TMEM108: variants seen among roughly 807,000 people sequenced by gnomAD.
The protein encoded by TMEM108 is cancer/testis antigen 124.
A neutral mutation model predicts 35.1 loss-of-function variants in TMEM108; 12 were observed. The observed-to-expected ratio is 0.34, with a 90% CI of 0.22 to 0.55. The LOEUF (loss-of-function observed/expected upper bound fraction) is 0.55, where lower values mean the gene tolerates loss of function less well. Among genes scored for constraint, TMEM108 ranks in the 20% least tolerant of loss-of-function variants. The probability of loss-of-function intolerance (pLI) is 0.89; values close to 1 mark genes in which losing one functional copy is unlikely to be tolerated. For synonymous variants in TMEM108, 287 were observed against 308.6 expected, an observed-to-expected ratio of 0.93 and a Z score of 0.73; for missense variants, 680 against 753.3, an observed-to-expected ratio of 0.90 and a Z score of 1.14.
intron 2 of TMEM108, among the ~76,000 whole-genome samples, chr3:133,153,274 A>G (rs1016829986): frequency 1.3e-5 from 2 of 152,120 alleles, no homozygotes; most frequent in Non-Finnish European, 2.9e-5. Flanking sequence ...AGTCCCTTCC[A>G]GCCCTAAAAT....
At chr3:133,332,995 G>A (rs1162037942) in intron 3 of TMEM108, among the ~76,000 whole-genome samples, 3 of 152,170 alleles carry the variant, frequency 2.0e-5, no homozygotes, top group Non-Finnish European at 4.4e-5. Flanking sequence ...AGAGTGGAAT[G>A]GCTGCATATG....
rs374162467 is a variant in TMEM108 at position 133,185,498 on chromosome 3, A to G, written c.-46-43768A>G. Among the ~76,000 whole-genome samples, 7 of 146,450 alleles carry G rather than the reference A, an allele frequency of 4.8e-5. No individual in the cohort carries two copies. In the South Asian group the frequency reaches 1.4e-3, roughly 29 times the overall value. On this transcript the variant is annotated intron_variant, in intron 2 of 5. Coordinates refer to ENST00000321871, the MANE Select transcript of TMEM108 (RefSeq NM_023943.4). ...TTCTATGCTCAGACATCATTTACCC[A>G]TCTAGTAGCCTAATCTCAACTCTCT...
intron 2 of TMEM108, among the ~76,000 whole-genome samples, chr3:133,140,362 T>C (rs367623411): frequency 6.6e-6 from 1 of 152,234 alleles, no homozygotes; most frequent in Non-Finnish European, 1.5e-5. Context: ...CTAAACCATA[T>C]TGATTTAATG....
chr3:133,161,461 A>G (rs887322527), intron 2 of TMEM108, among the ~76,000 whole-genome samples: 7 of 152,154 alleles, frequency 4.6e-5, no homozygotes, highest in South Asian at 2.1e-4. Context: ...TGTATCTCCA[A>G]TGCCTAGAAT....
chr3:133,308,260 G>A (rs1476717997), intron 3 of TMEM108, among the ~76,000 whole-genome samples: 2 of 152,122 alleles, frequency 1.3e-5, no homozygotes, highest in African/African-American at 4.8e-5. Flanking sequence ...GAGATTTTGG[G>A]CTAAGACGAT....
chr3:133,214,559 A>T (rs1266144059), intron 2 of TMEM108, among the ~76,000 whole-genome samples: 1 of 152,134 alleles, frequency 6.6e-6, no homozygotes, highest in African/African-American at 2.4e-5. Flanking sequence ...TCTAAGCTCT[A>T]CTATTGGCCT....
intron 3 of TMEM108, among the ~76,000 whole-genome samples, chr3:133,343,709 G>T (rs904217382): frequency 2.6e-5 from 4 of 151,800 alleles, no homozygotes; most frequent in Non-Finnish European, 5.9e-5. Flanking sequence ...CTAAAAATGG[G>T]CTGTACAGTG....
intron 2 of TMEM108, among the ~76,000 whole-genome samples, chr3:133,085,695 A>G (rs1943872809): frequency 6.6e-6 from 1 of 152,162 alleles, no homozygotes; most frequent in African/African-American, 2.4e-5. Flanking sequence ...AGTGATAATA[A>G]GATGTCCCAT....
chr3:133,095,483 T>A (rs1944001211), intron 2 of TMEM108, among the ~76,000 whole-genome samples: 1 of 152,160 alleles, frequency 6.6e-6, no homozygotes, highest in Admixed American at 6.5e-5. Context: ...TGTACTTTAT[T>A]TCTATTATTG....
At chr3:133,381,293 G>C (rs1290846298) in intron 4 of TMEM108, 132 bp downstream of exon 4, 17 of 971,596 alleles carry the variant, frequency 1.7e-5, no homozygotes, top group East Asian at 2.6e-5. Context: ...AGGAAACTAG[G>C]TATCAGGACA....
At chr3:133,066,134 C>T (rs1283024926) in intron 2 of TMEM108, among the ~76,000 whole-genome samples, 1 of 151,840 alleles carries the variant, frequency 6.6e-6, no homozygotes, top group Admixed American at 6.6e-5. Flanking sequence ...TAAGTAATTC[C>T]CATTACTTAG....
intron 2 of TMEM108, among the ~76,000 whole-genome samples, chr3:133,223,702 G>T (rs1946026202): frequency 6.6e-6 from 1 of 152,164 alleles, no homozygotes; most frequent in Non-Finnish European, 1.5e-5. Context: ...AGAATAGTAA[G>T]TTAGTTCAGT....
intron 2 of TMEM108, among the ~76,000 whole-genome samples, chr3:133,180,485 A>G (rs1451816330): frequency 6.6e-6 from 1 of 152,106 alleles, no homozygotes; most frequent in Non-Finnish European, 1.5e-5. Context: ...TGTTTTTAGC[A>G]TTCTAGTCTT....
At chr3:133,341,139 C>T (rs367562311) in intron 3 of TMEM108, among the ~76,000 whole-genome samples, 58 of 151,696 alleles carry the variant, frequency 3.8e-4, no homozygotes, top group African/African-American at 1.2e-3. Flanking sequence ...CAGATGATAT[C>T]CTATATTTGG....
chr3:133,132,181 A>G (rs1303291747), intron 2 of TMEM108, among the ~76,000 whole-genome samples: 3 of 152,214 alleles, frequency 2.0e-5, no homozygotes, highest in Non-Finnish European at 4.4e-5. Context: ...AGATCTAGCT[A>G]AGATCATTAA....
chr3:133,162,217 A>G (rs1944971302), intron 2 of TMEM108, among the ~76,000 whole-genome samples: 1 of 152,118 alleles, frequency 6.6e-6, no homozygotes, highest in South Asian at 2.1e-4. Context: ...AAAGCTTTGA[A>G]CCCAGAATAG....
chr3:133,227,904 A>G (rs756013973), intron 2 of TMEM108, among the ~76,000 whole-genome samples: 2 of 152,126 alleles, frequency 1.3e-5, no homozygotes, highest in African/African-American at 2.4e-5. Context: ...AAAAAAAAAC[A>G]TAAAATAAAA....
At chr3:133,071,581 CATG>C (rs943332609) in intron 2 of TMEM108, among the ~76,000 whole-genome samples, 1 of 152,134 alleles carries the variant, frequency 6.6e-6, no homozygotes, top group African/African-American at 2.4e-5. Context: ...TCCTCACTTG[CATG>C]ATGATTTGTG....
At chr3:133,263,153 T>C (rs1946649321) in intron 3 of TMEM108, among the ~76,000 whole-genome samples, 1 of 152,222 alleles carries the variant, frequency 6.6e-6, no homozygotes, top group East Asian at 1.9e-4. Flanking sequence ...CAACCTTGTG[T>C]GGTGAACTGG....
Sources: gnomAD v4.1 joint callset for allele counts (sites outside exome capture counted in the v4.1 genomes callset) on GRCh38, gnomAD v4.1.1 for gene constraint, MANE v1.5 for transcripts, NCBI Gene and HGNC (gene_info 2026-07-23, HGNC 2026-07-21) for gene names.